WNT9B: variants seen among roughly 807,000 people sequenced by gnomAD.
WNT9B encodes the protein protein Wnt-9b.
Under a neutral mutation model 30.2 loss-of-function variants are expected in WNT9B, and 12 were observed. That is an observed-to-expected ratio of 0.40 (90% CI 0.26 to 0.64). WNT9B has a LOEUF of 0.64. WNT9B is among the 30% of genes least tolerant of loss of function. WNT9B has a pLI of 0.42. For synonymous variants in WNT9B, 218 were observed against 216.9 expected, an observed-to-expected ratio of 1.01 and a Z score of -0.05; for missense variants, 442 against 485.2, an observed-to-expected ratio of 0.91 and a Z score of 0.84.
intron 1 of WNT9B, among the ~76,000 whole-genome samples, chr17:46,869,194 T>C (rs1240054735): frequency 6.6e-6 from 1 of 152,200 alleles, no homozygotes; most frequent in Non-Finnish European, 1.5e-5. Context: ...TAATCGCTAC[T>C]AAGTGTCATT....
At chr17:46,869,103 CT>C (rs2085193427) in intron 1 of WNT9B, among the ~76,000 whole-genome samples, 2 of 152,180 alleles carry the variant, frequency 1.3e-5, no homozygotes, top group Admixed American at 6.5e-5. Context: ...GCCAGGGAGC[CT>C]TCTTTGAGAG....
chr17:46,872,783 A>AG lies in WNT9B; in HGVS notation c.334+13dup. On this transcript the variant is annotated intron_variant, in intron 2 of 3. Transcript: ENST00000290015. ...GGCCTGCTCAAGAGAGGTGGGGAGGAGGGCTAGGGGACGGGGAGGGCTGGG... is the reference window on the plus strand; with the variant it reads ...GGCCTGCTCAAGAGAGGTGGGGAGGAGGGGCTAGGGGACGGGGAGGGCTGGG... 6 of 1,283,596 alleles carry AG rather than the reference A, an allele frequency of 4.7e-6. No individual in the cohort carries two copies. The highest frequency in any genetic ancestry group is 6.4e-6 in the Non-Finnish European group (6 of 935,566). The allele number at this position is 1,283,596 out of a possible 1,614,324, so 79.5% of individuals were successfully genotyped here. A position where few individuals can be genotyped will look rare whatever the true frequency, so the allele number is the denominator to read the frequency against.
chr17:46,873,852 G>T (rs1295921958), intron 2 of WNT9B, among the ~76,000 whole-genome samples: 3 of 152,050 alleles, frequency 2.0e-5, no homozygotes, highest in Non-Finnish European at 2.9e-5. Flanking sequence ...TAGCTGGCAT[G>T]GTGGCAGGAG....
intron 1 of WNT9B, among the ~76,000 whole-genome samples, chr17:46,834,957 T>C (rs2084607992): frequency 6.6e-6 from 1 of 152,122 alleles, no homozygotes; most frequent in African/African-American, 2.4e-5. Flanking sequence ...ACTCCCTAGA[T>C]TGGCCCTCAG....
chr17:46,855,463 T>A (rs1158027026), intron 1 of WNT9B, among the ~76,000 whole-genome samples: 1 of 152,106 alleles, frequency 6.6e-6, no homozygotes, highest in Non-Finnish European at 1.5e-5. Flanking sequence ...CTCTGTGTTG[T>A]CCCTGATCAA....
chr17:46,876,701 TAC>T lies in WNT9B; in HGVS notation c.1060_1061del (p.Thr354LeufsTer139). 1 of 1,558,382 alleles carries T rather than the reference TAC, an allele frequency of 6.4e-7. No homozygotes were observed. Among genetic ancestry groups the T allele is most frequent in the Non-Finnish European group, 8.7e-7 (1 of 1,147,254 alleles). ...CQQCVQEELV[Y>X]TCKH is the part of the protein sequence containing the mutation. ...GCAATGTGTGCAGGAGGAGCTTGTG[TAC>T]ACCTGCAAGCACTAGGCCTACTGCC... On this transcript the variant is annotated frameshift_variant, in exon 4 of 4. Coordinates refer to ENST00000290015, the MANE Select transcript of WNT9B (RefSeq NM_003396.3). LOFTEE classifies it high-confidence loss of function.
In WNT9B at chr17:46,851,636, A is replaced by G; in HGVS notation, c.-3A>G. 1.6e-6 allele frequency: 2 copies of G among 1,273,176 alleles called. No homozygotes were observed. Among genetic ancestry groups the G allele is most frequent in the Non-Finnish European group, 2.0e-6 (2 of 1,013,716 alleles). The allele number at this position is 1,273,176 out of a possible 1,614,324, so 78.9% of individuals were successfully genotyped here. ...TGCTAGAGGGCGCAGCGCCGCCAGCACCATGCGCCCCCCGCCCGCGCTGGC... is the reference window on the plus strand; with the variant it reads ...TGCTAGAGGGCGCAGCGCCGCCAGCGCCATGCGCCCCCCGCCCGCGCTGGC... On this transcript the variant is annotated 5_prime_UTR_variant, in exon 1 of 4. Transcript: ENST00000290015. This position sits in a 1 kb window ranked among gnomAD's most constrained non-coding sequence, Gnocchi z 4.3.
Position 46,875,215 on chromosome 17 carries a change from G to T in WNT9B, c.449G>T (p.Gly150Val), listed in dbSNP as rs764485687. 1 of 1,614,068 alleles carries T rather than the reference G, an allele frequency of 6.2e-7. No individual in the cohort carries two copies. Among genetic ancestry groups the T allele is most frequent in the African/African-American group, 1.3e-5 (1 of 74,950 alleles). Residue 150 changes from glycine (G) to valine (V), a missense_variant, in exon 3 of 4, where the codon GGG (glycine) becomes GTG (valine). Gly to Val is a moderately radical substitution (Grantham distance 109). Coordinates refer to ENST00000290015, the MANE Select transcript of WNT9B (RefSeq NM_003396.3). ...CGCTGCACCTGTGATGACTCTCCGG[G>T]GCTGGAGAGCCGGCAGGCCTGGCAG... Reference protein sequence around the residue: ...MERCTCDDSPGLESRQAWQWG... With the variant: ...MERCTCDDSPVLESRQAWQWG...
At chr17:46,869,867 C>T (rs975596425) in intron 1 of WNT9B, among the ~76,000 whole-genome samples, 5 of 151,946 alleles carry the variant, frequency 3.3e-5, no homozygotes, top group South Asian at 2.1e-4. Flanking sequence ...GGGATGGTGG[C>T]GCACACCTGT....
intron 1 of WNT9B, among the ~76,000 whole-genome samples, chr17:46,856,235 G>A (rs1279739309): frequency 6.6e-6 from 1 of 152,112 alleles, no homozygotes; most frequent in Non-Finnish European, 1.5e-5. Context: ...CTGAGCTTTG[G>A]GTTATGAGAA....
chr17:46,871,352 C>A (rs2146596706), intron 1 of WNT9B, among the ~76,000 whole-genome samples: 1 of 152,268 alleles, frequency 6.6e-6, no homozygotes. Context: ...ACCAGCAGAG[C>A]CATCTCACAG....
chr17:46,864,395 C>T (rs1206587033), intron 1 of WNT9B, among the ~76,000 whole-genome samples: 1 of 152,190 alleles, frequency 6.6e-6, no homozygotes, highest in Non-Finnish European at 1.5e-5. Context: ...TTCCCTCTAT[C>T]TAGCCAAGTA....
chr17:46,858,089 T>C (rs933693012), intron 1 of WNT9B, among the ~76,000 whole-genome samples: 1 of 151,952 alleles, frequency 6.6e-6, no homozygotes, highest in East Asian at 1.9e-4. Context: ...GCCACCATGC[T>C]CGGCTAATTT....
intron 1 of WNT9B, among the ~76,000 whole-genome samples, chr17:46,861,649 A>G (rs925102593): frequency 1.3e-5 from 2 of 152,144 alleles, no homozygotes; most frequent in Non-Finnish European, 2.9e-5. Flanking sequence ...AGCTGGGGGC[A>G]TAGGGTGGCC....
At chr17:46,860,717 T>C (rs1449738911) in intron 1 of WNT9B, among the ~76,000 whole-genome samples, 1 of 152,268 alleles carries the variant, frequency 6.6e-6, no homozygotes, top group Non-Finnish European at 1.5e-5. Context: ...TTCTTCTCTG[T>C]GCCTGTATCC....
chr17:46,849,680 A>C (rs759486468), upstream of WNT9B, among the ~76,000 whole-genome samples: 1 of 152,204 alleles, frequency 6.6e-6, no homozygotes, highest in African/African-American at 2.4e-5. Context: ...GGTGGCATGA[A>C]GTCAGCCATG....
intron 1 of WNT9B, among the ~76,000 whole-genome samples, chr17:46,846,296 T>G (rs755798477): frequency 2.0e-5 from 3 of 152,222 alleles, no homozygotes; most frequent in Non-Finnish European, 4.4e-5. Flanking sequence ...AGTCCAATGT[T>G]TATTCATTCA....
intron 1 of WNT9B, among the ~76,000 whole-genome samples, chr17:46,840,233 C>A (rs1265752559): frequency 6.6e-6 from 1 of 151,880 alleles, no homozygotes; most frequent in African/African-American, 2.4e-5. Flanking sequence ...ACTACAGGTG[C>A]CCGACACCAC....
At position 46,851,637 on chromosome 17, in the gene WNT9B, C is replaced by G. The variant is rs980934990; in HGVS notation, c.-2C>G. ...GCTAGAGGGCGCAGCGCCGCCAGCA[C>G]CATGCGCCCCCCGCCCGCGCTGGCC... On this transcript the variant is annotated 5_prime_UTR_variant, in exon 1 of 4. Transcript: ENST00000290015. This position sits in a 1 kb window ranked among gnomAD's most constrained non-coding sequence, Gnocchi z 4.3. The G allele has an allele frequency of 1.6e-6, 2 of 1,274,992 alleles. No homozygotes were observed. The allele number at this position is 1,274,992 out of a possible 1,614,324, so 79.0% of individuals were successfully genotyped here. A position where few individuals can be genotyped will look rare whatever the true frequency, so the allele number is the denominator to read the frequency against.
Sources: gnomAD v4.1 joint callset for allele counts (sites outside exome capture counted in the v4.1 genomes callset) on GRCh38, gnomAD v4.1.1 for gene constraint, Gnocchi (gnomAD v3.1) non-coding constraint, MANE v1.5 for transcripts, NCBI Gene and HGNC (gene_info 2026-07-23, HGNC 2026-07-21) for gene names.